The following CNTNAP5 variants were observed in gnomAD, a reference collection of about 807,000 sequenced individuals.
The protein encoded by CNTNAP5 is contactin associated protein family member 5.
CNTNAP5 carries 72 observed loss-of-function variants against 150.2 expected under a neutral mutation model. That is an observed-to-expected ratio of 0.48 (90% CI 0.40 to 0.58). The LOEUF (loss-of-function observed/expected upper bound fraction) is 0.58, where lower values mean the gene tolerates loss of function less well. Among genes scored for constraint, CNTNAP5 ranks in the 20% least tolerant of loss-of-function variants. The probability of loss-of-function intolerance (pLI) is 0.00; values close to 1 mark genes in which losing one functional copy is unlikely to be tolerated. For missense variants in CNTNAP5, 1,636 were observed against 1,626.2 expected (o/e 1.01, Z -0.10); for synonymous variants, 672 against 619.8 (o/e 1.08, Z -1.25).
intron 19 of CNTNAP5, among the ~76,000 whole-genome samples, chr2:124,827,457 A>G (rs572744621): frequency 6.6e-6 from 1 of 152,112 alleles, no homozygotes; most frequent in African/African-American, 2.4e-5. Context: ...AAGTCATGAG[A>G]TCTTCTAAAT....
At chr2:124,572,960 G>T (rs549000955) in intron 11 of CNTNAP5, among the ~76,000 whole-genome samples, 2 of 152,050 alleles carry the variant, frequency 1.3e-5, no homozygotes, top group Non-Finnish European at 2.9e-5. Flanking sequence ...GTTTTTCCTT[G>T]CAAACTGCCA....
intron 1 of CNTNAP5, among the ~76,000 whole-genome samples, chr2:124,207,187 G>C (rs1254843461): frequency 6.6e-6 from 1 of 152,054 alleles, no homozygotes; most frequent in Non-Finnish European, 1.5e-5. Flanking sequence ...ATTCTGTCTG[G>C]AGCTCTCAGA....
At chr2:124,312,894 G>T (rs1421041171) in intron 3 of CNTNAP5, among the ~76,000 whole-genome samples, 1 of 152,112 alleles carries the variant, frequency 6.6e-6, no homozygotes, top group Non-Finnish European at 1.5e-5. Flanking sequence ...TAGTAGAGAC[G>T]GGGTTTTGCC....
intron 13 of CNTNAP5, among the ~76,000 whole-genome samples, chr2:124,673,919 T>C (rs1390476692): frequency 6.6e-6 from 1 of 152,124 alleles, no homozygotes; most frequent in Non-Finnish European, 1.5e-5. Flanking sequence ...CTGTTTTTAG[T>C]ATATTCAGAG....
At chr2:124,300,419 G>T (rs1688545760) in intron 3 of CNTNAP5, among the ~76,000 whole-genome samples, 1 of 152,194 alleles carries the variant, frequency 6.6e-6, no homozygotes, top group African/African-American at 2.4e-5. Flanking sequence ...AGGAAGGGTG[G>T]TTTAAGCTGA....
intron 12 of CNTNAP5, among the ~76,000 whole-genome samples, chr2:124,637,977 A>G (rs1487082664): frequency 6.6e-6 from 1 of 151,910 alleles, no homozygotes; most frequent in Non-Finnish European, 1.5e-5. Flanking sequence ...TTTGTAGCAA[A>G]TGGTATTTGG....
chr2:124,572,372 T>C (rs1275554769), intron 11 of CNTNAP5, among the ~76,000 whole-genome samples: 1 of 152,126 alleles, frequency 6.6e-6, no homozygotes, highest in Non-Finnish European at 1.5e-5. Context: ...CTGGGCTTAA[T>C]ACCTGAGTGA....
intron 1 of CNTNAP5, among the ~76,000 whole-genome samples, chr2:124,181,918 T>A (rs1357895842): frequency 6.6e-6 from 1 of 152,198 alleles, no homozygotes; most frequent in African/African-American, 2.4e-5. Context: ...TCAATCCTGA[T>A]TTAATTGATA....
At chr2:124,280,479 A>AT (rs1484411330) in intron 3 of CNTNAP5, among the ~76,000 whole-genome samples, 2 of 151,566 alleles carry the variant, frequency 1.3e-5, no homozygotes, top group Admixed American at 6.6e-5. Context: ...CACTGTGATT[A>AT]TTTTTTTTGC....
At chr2:124,599,412 C>T (rs1696927896) in intron 11 of CNTNAP5, among the ~76,000 whole-genome samples, 1 of 151,946 alleles carries the variant, frequency 6.6e-6, no homozygotes, top group Admixed American at 6.6e-5. Flanking sequence ...TTGGATTAAA[C>T]ATTCCCTTGG....
In CNTNAP5 at chr2:124,599,287, A is replaced by AT. The variant is rs201513262; in HGVS notation, c.1757-10506dup. Among the ~76,000 whole-genome samples, 945 of 151,976 alleles carry AT rather than the reference A, an allele frequency of 6.2e-3. 15 individuals carry two copies. The highest frequency in any genetic ancestry group is 0.021 in the African/African-American group (852 of 41,464). ...CCCAATTATCTCAATACCACATGTA[A>AT]TTTTTTTTGTTTTTCTACTGATTTG... On this transcript the variant is annotated intron_variant, in intron 11 of 23. Transcript: ENST00000682447.
At position 124,390,002 on chromosome 2, in the gene CNTNAP5, A is replaced by G. The variant is rs376972421; in HGVS notation, c.382-27441A>G. Among the ~76,000 whole-genome samples, 592 of 152,148 alleles carry G rather than the reference A, an allele frequency of 3.9e-3. 5 individuals carry two copies. The highest frequency in any genetic ancestry group is 0.013 in the African/African-American group (560 of 41,510). The stretch of plus-strand genomic sequence containing the variant: ...TAATAATAGTAATAACAATAATAAT[A>G]ATAATTTAAACAGCAACAACAACAG... On this transcript the variant is annotated intron_variant, in intron 3 of 23. Coordinates refer to ENST00000682447, the MANE Select transcript of CNTNAP5 (RefSeq NM_001367498.1).
intron 10 of CNTNAP5, among the ~76,000 whole-genome samples, chr2:124,534,738 T>G (rs1416526223): frequency 6.6e-6 from 1 of 152,102 alleles, no homozygotes; most frequent in Non-Finnish European, 1.5e-5. Flanking sequence ...AAAAATGTAA[T>G]GAACAATGAG....
At chr2:124,284,759 C>A (rs1015957651) in intron 3 of CNTNAP5, among the ~76,000 whole-genome samples, 7 of 152,132 alleles carry the variant, frequency 4.6e-5, no homozygotes, top group Non-Finnish European at 1.0e-4. Context: ...ATGTTTGAAA[C>A]AGTGTCATCA....
chr2:124,315,056 T>C (rs752509210), intron 3 of CNTNAP5, among the ~76,000 whole-genome samples: 9 of 151,962 alleles, frequency 5.9e-5, no homozygotes, highest in Non-Finnish European at 1.3e-4. Flanking sequence ...CACAGCTCAC[T>C]GCACCCTTGA....
intron 3 of CNTNAP5, among the ~76,000 whole-genome samples, chr2:124,407,539 T>C (rs1466949603): frequency 6.6e-6 from 1 of 152,088 alleles, no homozygotes; most frequent in Non-Finnish European, 1.5e-5. Flanking sequence ...ACTCAATAAC[T>C]CAATGAGGTT....
At chr2:124,271,827 G>T (rs970436569) in intron 3 of CNTNAP5, among the ~76,000 whole-genome samples, 3 of 152,004 alleles carry the variant, frequency 2.0e-5, no homozygotes, top group Non-Finnish European at 4.4e-5. Flanking sequence ...TGATTCTCCT[G>T]CCTCAGCCTC....
chr2:124,514,040 C>T (rs1367703872), intron 8 of CNTNAP5, among the ~76,000 whole-genome samples: 1 of 152,158 alleles, frequency 6.6e-6, no homozygotes, highest in African/African-American at 2.4e-5. Context: ...ATGAGAAAAT[C>T]CCATTAGCAA....
chr2:124,294,766 A>G (rs1688379407), intron 3 of CNTNAP5, among the ~76,000 whole-genome samples: 1 of 152,236 alleles, frequency 6.6e-6, no homozygotes, highest in Non-Finnish European at 1.5e-5. Context: ...TTAATGTGGA[A>G]GTGAGTACAT....
Sources: allele counts gnomAD v4.1 joint callset (sites outside exome capture counted in the v4.1 genomes callset), GRCh38; gene constraint gnomAD v4.1.1; transcripts MANE v1.5; gene names NCBI Gene and HGNC (gene_info 2026-07-23, HGNC 2026-07-21).